The following TRPC5 variants were observed in gnomAD, a reference collection of about 807,000 sequenced individuals.
TRPC5 encodes the protein transient receptor potential cation channel subfamily C member 5.
TRPC5 carries 9 observed loss-of-function variants against 56.5 expected under a neutral mutation model. The observed-to-expected ratio is 0.16, with a 90% CI of 0.10 to 0.28. The LOEUF is 0.28. TRPC5 is among the 10% of genes least tolerant of loss of function. TRPC5 has a pLI of 1.00. For missense variants in TRPC5, 469 were observed against 748.9 expected (o/e 0.63, Z 4.36); for synonymous variants, 282 against 278.5 (o/e 1.01, Z -0.13).
At chrX:111,965,395 G>C in intron 1 of TRPC5, among the ~76,000 whole-genome samples, 1 of 111,724 alleles carries the variant, frequency 9.0e-6, no homozygotes, top group Non-Finnish European at 1.9e-5. Context: ...ACACCCCACT[G>C]TCAACATTAG....
intron 1 of TRPC5, among the ~76,000 whole-genome samples, chrX:112,031,347 G>A (rs1929580783): frequency 9.0e-6 from 1 of 111,565 alleles, no homozygotes; most frequent in Non-Finnish European, 1.9e-5. Flanking sequence ...TAGCTTCCCT[G>A]CTCTACTCAA....
At chrX:111,890,369 A>G (rs756623543) in intron 3 of TRPC5, among the ~76,000 whole-genome samples, 1 of 111,718 alleles carries the variant, frequency 9.0e-6, no homozygotes, top group African/African-American at 3.2e-5. Flanking sequence ...GTGTTAGTGT[A>G]TTTTATTTGT....
Position 111,773,586 on chromosome X carries a change from T to A in TRPC5, c.*2727A>T, listed in dbSNP as rs1945856330. ...GGGTGTCTGTAGTGGCCACTTCACA[T>A]CTATATATAACATATATGCTTACTA... On this transcript the variant is annotated 3_prime_UTR_variant, in exon 11 of 11. Coordinates refer to ENST00000262839, the MANE Select transcript of TRPC5 (RefSeq NM_012471.3). Among the ~76,000 whole-genome samples the A allele has an allele frequency of 9.0e-6, 1 of 111,709 alleles. No homozygotes were observed.
intron 7 of TRPC5, among the ~76,000 whole-genome samples, chrX:111,825,399 G>C (rs375424488): frequency 9.3e-6 from 1 of 107,869 alleles, no homozygotes; most frequent in East Asian, 2.9e-4. Context: ...CTACAGGTAC[G>C]CACCACCATA....
At chrX:112,049,902 G>A (rs185031919) in intron 1 of TRPC5, among the ~76,000 whole-genome samples, 4 of 112,416 alleles carry the variant, frequency 3.6e-5, no homozygotes, top group South Asian at 3.7e-4. Flanking sequence ...TAGGCTGGGC[G>A]TGGTGGCTCA....
intron 1 of TRPC5, among the ~76,000 whole-genome samples, chrX:112,018,961 C>T (rs1217763424): frequency 8.9e-6 from 1 of 112,563 alleles, no homozygotes; most frequent in East Asian, 2.8e-4. Flanking sequence ...TAAATGTTTG[C>T]TTTCTTCCAA....
intron 1 of TRPC5, among the ~76,000 whole-genome samples, chrX:112,040,219 A>G (rs1929857029): frequency 8.9e-6 from 1 of 112,181 alleles, no homozygotes; most frequent in African/African-American, 3.2e-5. Flanking sequence ...AGGTCTTTCA[A>G]TCTAATAAGA....
chrX:111,799,463 A>G (rs755546525), intron 7 of TRPC5, among the ~76,000 whole-genome samples: 1 of 111,143 alleles, frequency 9.0e-6, no homozygotes, highest in Admixed American at 9.7e-5. Context: ...CCCAAAATAC[A>G]ACACCTTGAA....
At chrX:111,802,399 A>G (rs1344665635) in intron 7 of TRPC5, among the ~76,000 whole-genome samples, 1 of 111,314 alleles carries the variant, frequency 9.0e-6, no homozygotes, top group African/African-American at 3.3e-5. Flanking sequence ...AATTTATGCA[A>G]AAGCAAATTA....
At chrX:111,804,132 G>C (rs1476189129) in intron 7 of TRPC5, among the ~76,000 whole-genome samples, 1 of 111,804 alleles carries the variant, frequency 8.9e-6, no homozygotes, top group African/African-American at 3.3e-5. Flanking sequence ...ACTTGTTTTT[G>C]TCAGGTTTGT....
rs933242157 is a variant in TRPC5, at chrX:112,077,569, G to A, written c.-22+4310C>T. 1.2e-4 allele frequency among the ~76,000 whole-genome samples: 13 copies of A among 111,554 alleles called. 1 individual carries two copies. The highest frequency in any genetic ancestry group is 3.9e-4 in the African/African-American group (12 of 30,715). On this transcript the variant is annotated intron_variant, in intron 1 of 10. Transcript: ENST00000262839. ...ATTTATAGATAGCTCCCAGGGGATG[G>A]TGGCAATCCTGGTGTGGGGACTACA...
chrX:111,858,326 C>T (rs1766714689), intron 3 of TRPC5, among the ~76,000 whole-genome samples: 1 of 111,075 alleles, frequency 9.0e-6, no homozygotes, highest in South Asian at 3.8e-4. Context: ...CACAAAAACC[C>T]GAACTGTCCA....
At chrX:111,819,628 T>C (rs949320312) in intron 7 of TRPC5, among the ~76,000 whole-genome samples, 5 of 111,893 alleles carry the variant, frequency 4.5e-5, no homozygotes, top group Non-Finnish European at 9.4e-5. Flanking sequence ...ACTTGGGACA[T>C]GGGAAAAGCT....
chrX:112,000,433 G>A (rs1362280100), intron 1 of TRPC5, among the ~76,000 whole-genome samples: 3 of 112,003 alleles, frequency 2.7e-5, no homozygotes, highest in South Asian at 3.7e-4. Context: ...GTGAGTAGAT[G>A]ATCTGGACAG....
intron 1 of TRPC5, among the ~76,000 whole-genome samples, chrX:112,053,173 A>C (rs1930259019): frequency 8.9e-6 from 1 of 111,757 alleles, no homozygotes; most frequent in Non-Finnish European, 1.9e-5. Context: ...AAGCAGTCTA[A>C]CTGGAAGTAT....
intron 3 of TRPC5, among the ~76,000 whole-genome samples, chrX:111,860,878 G>A (rs919786840): frequency 5.4e-5 from 6 of 111,811 alleles, no homozygotes; most frequent in African/African-American, 1.9e-4. Flanking sequence ...CCAGTGGTTA[G>A]GAAAAACAAC....
At chrX:112,045,218 C>G (rs777073391) in intron 1 of TRPC5, among the ~76,000 whole-genome samples, 1 of 111,748 alleles carries the variant, frequency 8.9e-6, no homozygotes, top group East Asian at 2.8e-4. Flanking sequence ...GCCATAGATG[C>G]AATCACATGT....
intron 1 of TRPC5, among the ~76,000 whole-genome samples, chrX:111,956,558 G>A (rs1569528577): frequency 9.0e-6 from 1 of 111,456 alleles, no homozygotes; most frequent in Non-Finnish European, 1.9e-5. Context: ...CCTTGAATGA[G>A]CAGTCCAAAA....
chrX:112,006,671 G>A (rs1166084703), intron 1 of TRPC5, among the ~76,000 whole-genome samples: 1 of 111,932 alleles, frequency 8.9e-6, no homozygotes, highest in Admixed American at 9.5e-5. Flanking sequence ...TGGGATGTAT[G>A]GGAAATTAGA....
Sources: allele counts gnomAD v4.1 joint callset (sites outside exome capture counted in the v4.1 genomes callset), GRCh38; gene constraint gnomAD v4.1.1; transcripts MANE v1.5; gene names NCBI Gene and HGNC (gene_info 2026-07-23, HGNC 2026-07-21).